SLCO3A1: variants seen among roughly 807,000 people sequenced by gnomAD.
SLCO3A1 encodes the protein solute carrier organic anion transporter family member 3A1, also known as PGE1 transporter.
In SLCO3A1, 27 loss-of-function variants were observed where a neutral mutation model predicts 63.1. The ratio of observed to expected loss-of-function variants is 0.43; its 90% CI spans 0.32 to 0.59. The LOEUF (loss-of-function observed/expected upper bound fraction) is 0.59. SLCO3A1 is among the 20% of genes least tolerant of loss of function. The probability of loss-of-function intolerance (pLI) is 0.09; values close to 1 mark genes in which losing one functional copy is unlikely to be tolerated. For synonymous variants in SLCO3A1, 473 were observed against 409.9 expected (o/e 1.15, Z -1.86); for missense variants, 773 against 945.8 (o/e 0.82, Z 2.40).
At chr15:91,899,593 TGTC>T (rs1282381389) in intron 1 of SLCO3A1, among the ~76,000 whole-genome samples, 3 of 152,204 alleles carry the variant, frequency 2.0e-5, no homozygotes, top group African/African-American at 7.2e-5. Flanking sequence ...TTCTGTGCAT[TGTC>T]TTTTTTCCAT....
At chr15:92,032,772 A>G (rs187027455) in intron 2 of SLCO3A1, among the ~76,000 whole-genome samples, 30 of 152,266 alleles carry the variant, frequency 2.0e-4, no homozygotes, top group Non-Finnish European at 3.7e-4. Context: ...TGGTGAGGAG[A>G]CAGCTTTGAG....
chr15:91,967,774 G>T lies in SLCO3A1; in HGVS notation c.646+51316G>T, dbSNP rs1900712624. On this transcript the variant is annotated intron_variant, in intron 2 of 9. Coordinates refer to ENST00000318445, the MANE Select transcript of SLCO3A1 (RefSeq NM_013272.4). This position sits in a 1 kb window ranked among gnomAD's most constrained non-coding sequence, Gnocchi z 4.4. ...GTTGTTTTCAAACAGCCTACTTTTG[G>T]GGAACCACGAGGACGTAGTGGCAGG... is the stretch of plus-strand genomic sequence containing the variant. Among the ~76,000 whole-genome samples the T allele has an allele frequency of 6.6e-6, 1 of 152,058 alleles. No individual in the cohort carries two copies. Among genetic ancestry groups the T allele is most frequent in the Non-Finnish European group, 1.5e-5 (1 of 68,032 alleles).
chr15:91,979,774 G>C (rs188638790), intron 2 of SLCO3A1, among the ~76,000 whole-genome samples: 218 of 152,186 alleles, frequency 1.4e-3, no homozygotes, highest in African/African-American at 5.0e-3. Flanking sequence ...CATGTCAAGT[G>C]CTTAGCGTAA....
At chr15:92,172,286 G>A (rs1439376091) in exon 11 of SLCO3A1, 2 of 163,114 alleles carry the variant, frequency 1.2e-5, no homozygotes, top group Non-Finnish European at 2.7e-5. Context: ...AATGGAGGGG[G>A]GAAAAAGCAC....
At chr15:92,147,676 C>T (rs964561794) in intron 8 of SLCO3A1, among the ~76,000 whole-genome samples, 3 of 152,122 alleles carry the variant, frequency 2.0e-5, no homozygotes, top group South Asian at 2.1e-4. Context: ...GCAGGGCTCA[C>T]GGCAGGTGAG....
intron 1 of SLCO3A1, among the ~76,000 whole-genome samples, chr15:91,888,331 T>A (rs8040842): frequency 2.6e-5 from 4 of 152,330 alleles, no homozygotes; most frequent in Admixed American, 6.5e-5. Context: ...TCTTATTACA[T>A]CCTGAGCATG....
intron 1 of SLCO3A1, among the ~76,000 whole-genome samples, chr15:91,901,645 T>G (rs1245954973): frequency 6.6e-6 from 1 of 152,236 alleles, no homozygotes; most frequent in Non-Finnish European, 1.5e-5. Context: ...ACGGTTTGTT[T>G]TCTTTCAGAA....
intron 4 of SLCO3A1, 143 bp from the exon 5 acceptor site, chr15:92,120,322 C>T (rs1354382992): frequency 8.4e-6 from 6 of 712,926 alleles, no homozygotes; most frequent in South Asian, 4.7e-5. Flanking sequence ...TAGATTTTGG[C>T]CTTAGCAACT....
rs113003424 is a variant in SLCO3A1, at chr15:92,046,366, GA to G, written c.647-48504del. On this transcript the variant is annotated intron_variant, in intron 2 of 9. Coordinates refer to ENST00000318445, the MANE Select transcript of SLCO3A1 (RefSeq NM_013272.4). Reference sequence around the variant, plus strand: ...CTTGTCTCTACTAAAAATACCAAAAGAAAAAAAAAAATACCTGGGCGATGTG... The same window carrying G: ...CTTGTCTCTACTAAAAATACCAAAAGAAAAAAAAAATACCTGGGCGATGTG... Among the ~76,000 whole-genome samples, 249 of 142,880 alleles carry G rather than the reference GA, an allele frequency of 1.7e-3. 1 individual carries two copies. The East Asian group carries it at 0.019, about 11-fold the overall frequency. 93.7% of individuals were successfully genotyped at this position (142,880 alleles called of 152,430 possible). A position where few individuals can be genotyped will look rare whatever the true frequency, so the allele number is the denominator to read the frequency against.
intron 2 of SLCO3A1, among the ~76,000 whole-genome samples, chr15:91,970,482 G>T (rs1052041245): frequency 3.9e-5 from 6 of 152,188 alleles, no homozygotes; most frequent in African/African-American, 1.4e-4. Context: ...ACACACGAGA[G>T]TCAACATGGA....
rs1898116414 is a variant in SLCO3A1, at chr15:91,900,212, C to T, written c.181-15781C>T. Among the ~76,000 whole-genome samples, 1 of 152,204 alleles carries T rather than the reference C, an allele frequency of 6.6e-6. No individual in the cohort carries two copies. Among genetic ancestry groups the T allele is most frequent in the South Asian group, 2.1e-4 (1 of 4,836 alleles). On this transcript the variant is annotated intron_variant, in intron 1 of 9. Transcript: ENST00000318445. The surrounding 1 kb of genome is among the most constrained non-coding windows in gnomAD (Gnocchi z 4.3). Reference sequence around the variant, plus strand: ...AATTTATGCTTAACTTTTTAAGAAGCTGTTCAACTGCTTTTCAAAGTGGCT... The same window carrying T: ...AATTTATGCTTAACTTTTTAAGAAGTTGTTCAACTGCTTTTCAAAGTGGCT...
intron 3 of SLCO3A1, among the ~76,000 whole-genome samples, chr15:92,100,277 G>T (rs1409830712): frequency 6.6e-6 from 1 of 152,106 alleles, no homozygotes; most frequent in East Asian, 1.9e-4. Flanking sequence ...GAATGAAATG[G>T]CATCTGTTCT....
intron 2 of SLCO3A1, among the ~76,000 whole-genome samples, chr15:92,093,771 C>A (rs1257369441): frequency 6.6e-6 from 1 of 152,148 alleles, no homozygotes; most frequent in Non-Finnish European, 1.5e-5. Flanking sequence ...ATTGGTTCCA[C>A]AATGACATCA....
intron 2 of SLCO3A1, among the ~76,000 whole-genome samples, chr15:91,946,800 C>A (rs1223360406): frequency 6.6e-6 from 1 of 152,172 alleles, no homozygotes; most frequent in Non-Finnish European, 1.5e-5. Flanking sequence ...GGGGTAAGAG[C>A]AAATGACTGG....
intron 2 of SLCO3A1, among the ~76,000 whole-genome samples, chr15:92,092,162 C>T (rs1164258432): frequency 6.6e-6 from 1 of 152,154 alleles, no homozygotes; most frequent in Non-Finnish European, 1.5e-5. Flanking sequence ...ACTGTACTGT[C>T]CCCAAGCATG....
At chr15:92,064,907 A>G (rs551310749) in intron 2 of SLCO3A1, among the ~76,000 whole-genome samples, 1 of 152,324 alleles carries the variant, frequency 6.6e-6, no homozygotes, top group African/African-American at 2.4e-5. Flanking sequence ...GTTAATGAGT[A>G]CAAAAATGCA....
chr15:92,059,525 C>T (rs1237095920), intron 2 of SLCO3A1, among the ~76,000 whole-genome samples: 2 of 152,190 alleles, frequency 1.3e-5, no homozygotes, highest in Non-Finnish European at 2.9e-5. Flanking sequence ...TGTCACTTCA[C>T]TCATTATCCC....
Position 91,863,572 on chromosome 15 carries a change from C to T in SLCO3A1, c.180+9484C>T, listed in dbSNP as rs192804240. On this transcript the variant is annotated intron_variant, in intron 1 of 9. Transcript: ENST00000318445. The surrounding 1 kb of genome is among the most constrained non-coding windows in gnomAD (Gnocchi z 4.3). Reference sequence around the variant, plus strand: ...ATTCCAGTGTGGCACATCACACCATCCTCTTCTTGAAGCTATACATGCGTG... The same window carrying T: ...ATTCCAGTGTGGCACATCACACCATTCTCTTCTTGAAGCTATACATGCGTG... Among the ~76,000 whole-genome samples the T allele has an allele frequency of 6.6e-6, 1 of 152,238 alleles. No homozygotes were observed. Among genetic ancestry groups the T allele is most frequent in the African/African-American group, 2.4e-5 (1 of 41,472 alleles).
rs550267462 is a variant in SLCO3A1, at chr15:92,109,176, A to AGG, written c.1009+4635_1009+4636dup. Among the ~76,000 whole-genome samples the AGG allele has an allele frequency of 2.9e-3, 437 of 152,306 alleles. 1 individual carries two copies. Among genetic ancestry groups the AGG allele is most frequent in the African/African-American group, 1.0e-2 (415 of 41,580 alleles). On this transcript the variant is annotated intron_variant, in intron 4 of 9. Transcript: ENST00000318445. Reference sequence around the variant, plus strand: ...TGTCATATTTCATCCCTGTAACCTTAGGAGGCATCGGTACCACTTACCAGT... The same window carrying AGG: ...TGTCATATTTCATCCCTGTAACCTTAGGGGAGGCATCGGTACCACTTACCAGT...
Sources: gnomAD v4.1 joint callset for allele counts (sites outside exome capture counted in the v4.1 genomes callset) on GRCh38, gnomAD v4.1.1 for gene constraint, Gnocchi (gnomAD v3.1) non-coding constraint, MANE v1.5 for transcripts, NCBI Gene and HGNC (gene_info 2026-07-23, HGNC 2026-07-21) for gene names.